Variants in PDE4D observed in about 807,000 individuals in gnomAD.
The protein encoded by PDE4D is 3',5'-cyclic-AMP phosphodiesterase 4D.
A neutral mutation model predicts 87.4 loss-of-function variants in PDE4D; 24 were observed. The ratio of observed to expected loss-of-function variants is 0.27; its 90% CI spans 0.20 to 0.39. PDE4D has a LOEUF of 0.39. Ranked by LOEUF, PDE4D falls within the 10% of genes least tolerant of loss-of-function variation. The pLI is 1.00. For synonymous variants in PDE4D, 384 were observed against 383.2 expected (o/e 1.00, Z -0.02); for missense variants, 714 against 1,041.0 (o/e 0.69, Z 4.32).
chr5:59,815,192 C>T (rs1285526259), intron 1 of PDE4D, among the ~76,000 whole-genome samples: 1 of 152,174 alleles, frequency 6.6e-6, no homozygotes, highest in African/African-American at 2.4e-5. Context: ...TCCAGGGGAA[C>T]AGGAGAGCTG....
At chr5:59,706,251 C>A (rs1225417381) in intron 1 of PDE4D, among the ~76,000 whole-genome samples, 1 of 152,030 alleles carries the variant, frequency 6.6e-6, no homozygotes, top group African/African-American at 2.4e-5. Context: ...GTTCTTTTTC[C>A]TGCAGCTTCC....
At chr5:59,477,258 A>C (rs1199262738) in intron 1 of PDE4D, among the ~76,000 whole-genome samples, 1 of 151,630 alleles carries the variant, frequency 6.6e-6, no homozygotes, top group African/African-American at 2.4e-5. Flanking sequence ...ACAATTTATA[A>C]ATTTTATTCT....
intron 6 of PDE4D, among the ~76,000 whole-genome samples, chr5:59,037,153 C>T (rs187107007): frequency 5.5e-4 from 84 of 152,264 alleles, no homozygotes; most frequent in African/African-American, 2.0e-3. Context: ...TATTAAATTT[C>T]ACATTCAGTT....
chr5:59,724,657 T>C (rs1053459048), intron 1 of PDE4D, among the ~76,000 whole-genome samples: 1 of 152,082 alleles, frequency 6.6e-6, no homozygotes, highest in Non-Finnish European at 1.5e-5. Context: ...TCCTCCCTTC[T>C]CTAACCCCCT....
intron 1 of PDE4D, among the ~76,000 whole-genome samples, chr5:59,410,260 TG>T (rs1416158599): frequency 1.3e-5 from 2 of 152,106 alleles, no homozygotes; most frequent in African/African-American, 2.4e-5. Context: ...TTGTTTGTTT[TG>T]TTTTTTTCTT....
At chr5:59,046,417 A>T (rs1237390568) in intron 5 of PDE4D, among the ~76,000 whole-genome samples, 2 of 140,464 alleles carry the variant, frequency 1.4e-5, no homozygotes, top group East Asian at 3.0e-4. Context: ...AGAGAGAGAG[A>T]GAATGTGTGT....
intron 1 of PDE4D, among the ~76,000 whole-genome samples, chr5:60,229,893 C>A (rs186613985): frequency 5.3e-5 from 8 of 152,194 alleles, no homozygotes; most frequent in Non-Finnish European, 1.2e-4. Flanking sequence ...GGAATTCAGC[C>A]CAATCAGTTT....
intron 1 of PDE4D, among the ~76,000 whole-genome samples, chr5:59,286,605 T>C (rs1006585662): frequency 6.6e-6 from 1 of 152,186 alleles, no homozygotes; most frequent in Non-Finnish European, 1.5e-5. Flanking sequence ...ACTGTTTTTA[T>C]TCTAGGAATC....
At position 59,616,591 on chromosome 5, in the gene PDE4D, T is replaced by A. The variant is rs190112745; in HGVS notation, c.455+276577A>T. 1.7e-3 allele frequency among the ~76,000 whole-genome samples: 252 copies of A among 152,218 alleles called. 2 individuals carry two copies. Among genetic ancestry groups the A allele is most frequent in the Non-Finnish European group, 2.8e-3 (193 of 68,008 alleles). ...CACCATATATCTGTCTCTGTGATAA[T>A]GTCATGCTCCCTAGCGATGCTCTCA... is the stretch of plus-strand genomic sequence containing the variant. On this transcript the variant is annotated intron_variant, in intron 1 of 14. Coordinates refer to ENST00000340635, the MANE Select transcript of PDE4D (RefSeq NM_001104631.2).
At chr5:59,225,253 C>G (rs1433174941) in intron 1 of PDE4D, among the ~76,000 whole-genome samples, 1 of 152,152 alleles carries the variant, frequency 6.6e-6, no homozygotes, top group Non-Finnish European at 1.5e-5. Context: ...TTTTCCAATA[C>G]CATTCAAGAC....
chr5:59,238,304 A>G (rs1395085324), intron 1 of PDE4D, among the ~76,000 whole-genome samples: 3 of 152,190 alleles, frequency 2.0e-5, no homozygotes, highest in African/African-American at 7.2e-5. Flanking sequence ...TGTGTTTCTC[A>G]ACCAAAATTG....
At chr5:60,101,425 C>T (rs851284) in intron 2 of PDE4D, among the ~76,000 whole-genome samples, 152,123 of 152,204 alleles carry the variant, frequency 1, 76,022 homozygotes, top group Non-Finnish European at 1. Context: ...TATTTATTTA[C>T]CAATGGCCAA....
chr5:60,347,895 T>C (rs978813467), intron 1 of PDE4D, among the ~76,000 whole-genome samples: 1 of 152,166 alleles, frequency 6.6e-6, no homozygotes, highest in Non-Finnish European at 1.5e-5. Context: ...AAAACCTCCA[T>C]AGAACTGTAA....
intron 1 of PDE4D, among the ~76,000 whole-genome samples, chr5:59,380,833 G>A (rs1309220290): frequency 1.3e-5 from 2 of 151,938 alleles, no homozygotes; most frequent in African/African-American, 4.8e-5. Flanking sequence ...GAGCTAGGTA[G>A]GGGTTGGAAA....
intron 5 of PDE4D, among the ~76,000 whole-genome samples, chr5:59,155,884 G>C (rs920295468): frequency 2.0e-5 from 3 of 152,094 alleles, no homozygotes; most frequent in African/African-American, 7.2e-5. Flanking sequence ...TGTAGGAGCT[G>C]AGGAAGTTCA....
intron 2 of PDE4D, among the ~76,000 whole-genome samples, chr5:60,129,233 G>A (rs1029491482): frequency 5.3e-5 from 8 of 152,194 alleles, no homozygotes; most frequent in East Asian, 1.9e-4. Flanking sequence ...CAGAGATGCC[G>A]AGGAATCTTT....
intron 1 of PDE4D, among the ~76,000 whole-genome samples, chr5:59,526,940 C>T (rs1813259254): frequency 1.3e-5 from 2 of 152,094 alleles, no homozygotes; most frequent in African/African-American, 4.8e-5. Flanking sequence ...TTATTTCTTA[C>T]TTGACTTTTT....
intron 1 of PDE4D, among the ~76,000 whole-genome samples, chr5:59,315,238 C>T (rs1053058669): frequency 4.6e-5 from 7 of 152,154 alleles, no homozygotes; most frequent in African/African-American, 1.4e-4. Flanking sequence ...AGAAATTCTG[C>T]AATACAGGAA....
At chr5:59,986,822 G>C (rs1187325967) in intron 3 of PDE4D, 2 of 152,158 alleles carry the variant, frequency 1.3e-5, no homozygotes, top group African/African-American at 4.8e-5. Context: ...TAGGCAGAGG[G>C]TACCTAAGTG....
Sources: gnomAD v4.1 joint callset for allele counts (sites outside exome capture counted in the v4.1 genomes callset) on GRCh38, gnomAD v4.1.1 for gene constraint, MANE v1.5 for transcripts, NCBI Gene and HGNC (gene_info 2026-07-23, HGNC 2026-07-21) for gene names.